Variants in CDK6 observed in about 807,000 individuals in gnomAD.
The protein encoded by CDK6 is cyclin-dependent kinase 6.
A neutral mutation model predicts 37.1 loss-of-function variants in CDK6; 6 were observed. That is an observed-to-expected ratio of 0.16 (90% CI 0.09 to 0.32). The LOEUF (loss-of-function observed/expected upper bound fraction) is 0.32. CDK6 is among the 10% of genes least tolerant of loss of function. The pLI is 1.00. For missense variants in CDK6, 224 were observed against 418.9 expected (o/e 0.53, Z 4.06); for synonymous variants, 160 against 161.3 (o/e 0.99, Z 0.06).
chr7:92,811,047 C>T (rs1584111355), intron 2 of CDK6, among the ~76,000 whole-genome samples: 1 of 151,912 alleles, frequency 6.6e-6, no homozygotes, highest in East Asian at 1.9e-4. Flanking sequence ...TGAGAACCCC[C>T]CCAGCGCCAA....
At chr7:92,804,957 G>A (rs1800685840) in intron 2 of CDK6, among the ~76,000 whole-genome samples, 1 of 152,118 alleles carries the variant, frequency 6.6e-6, no homozygotes, top group Admixed American at 6.6e-5. Flanking sequence ...GACAAATACT[G>A]GTCATGTACT....
rs185877902 is a variant in CDK6, at chr7:92,720,515, A to G, written c.537+5111T>C. ...AAGAGCACCAAATCCAATGGCAACA[A>G]TATCACCCTCCAAGCTGTATGATTA... On this transcript the variant is annotated intron_variant, in intron 4 of 7. Coordinates refer to ENST00000424848, the MANE Select transcript of CDK6 (RefSeq NM_001145306.2). Among the ~76,000 whole-genome samples the G allele has an allele frequency of 6.6e-3, 1,002 of 152,304 alleles. 8 individuals carry two copies. Among genetic ancestry groups the G allele is most frequent in the Non-Finnish European group, 0.011 (734 of 68,012 alleles).
At chr7:92,684,893 T>C (rs1797414053) in intron 4 of CDK6, among the ~76,000 whole-genome samples, 1 of 152,154 alleles carries the variant, frequency 6.6e-6, no homozygotes, top group Admixed American at 6.5e-5. Context: ...AAGAATTCTT[T>C]GGTTTTGAAC....
At chr7:92,707,763 C>A (rs918078538) in intron 4 of CDK6, among the ~76,000 whole-genome samples, 1 of 152,166 alleles carries the variant, frequency 6.6e-6, no homozygotes, top group African/African-American at 2.4e-5. Context: ...AGAAAGAATG[C>A]TAGGTATATA....
At chr7:92,707,015 G>T (rs1032982311) in intron 4 of CDK6, among the ~76,000 whole-genome samples, 10 of 152,126 alleles carry the variant, frequency 6.6e-5, no homozygotes, top group Non-Finnish European at 1.5e-4. Flanking sequence ...AATGAAAAAA[G>T]AGAGAATGGT....
chr7:92,819,360 A>T (rs1292410831), intron 2 of CDK6, among the ~76,000 whole-genome samples: 1 of 152,076 alleles, frequency 6.6e-6, no homozygotes, highest in Non-Finnish European at 1.5e-5. Flanking sequence ...GACAGAAAGA[A>T]GATTAGGTTG....
At chr7:92,708,896 T>C (rs1243579142) in intron 4 of CDK6, among the ~76,000 whole-genome samples, 1 of 152,208 alleles carries the variant, frequency 6.6e-6, no homozygotes, top group African/African-American at 2.4e-5. Context: ...ATTACATCAG[T>C]AGTGGCTACT....
At chr7:92,820,229 C>T (rs932956224) in intron 2 of CDK6, among the ~76,000 whole-genome samples, 2 of 152,032 alleles carry the variant, frequency 1.3e-5, no homozygotes, top group African/African-American at 4.8e-5. Flanking sequence ...ATATTTTAAA[C>T]AAGTGATGCA....
chr7:92,690,211 T>C (rs565944873), intron 4 of CDK6, among the ~76,000 whole-genome samples: 1 of 152,338 alleles, frequency 6.6e-6, no homozygotes, highest in East Asian at 1.9e-4. Context: ...GCCTATGTCC[T>C]GAAAGGTATT....
chr7:92,720,534 A>G (rs1043112884), intron 4 of CDK6, among the ~76,000 whole-genome samples: 1 of 152,190 alleles, frequency 6.6e-6, no homozygotes, highest in African/African-American at 2.4e-5. Context: ...TCCAAGCTGT[A>G]TGATTAGGTT....
At chr7:92,730,450 G>C (rs1398018654) in intron 3 of CDK6, among the ~76,000 whole-genome samples, 9 of 152,260 alleles carry the variant, frequency 5.9e-5, no homozygotes, top group African/African-American at 1.7e-4. Context: ...ATAAGAACAT[G>C]TTGAATTAAG....
intron 2 of CDK6, among the ~76,000 whole-genome samples, chr7:92,825,690 G>C (rs984787228): frequency 6.6e-6 from 1 of 151,998 alleles, no homozygotes; most frequent in African/African-American, 2.4e-5. Context: ...CTGCTAACAG[G>C]TTTTCCACTA....
intron 4 of CDK6, chr7:92,725,213 G>T: frequency 1.0e-6 from 1 of 985,420 alleles, no homozygotes; most frequent in Non-Finnish European, 1.2e-6. Flanking sequence ...TAACAAACCT[G>T]TGTAGGCACT....
In CDK6 at chr7:92,609,880, C is replaced by T; in HGVS notation, c.*5260G>A. 1 of 230,518 alleles carries T rather than the reference C, an allele frequency of 4.3e-6. No homozygotes were observed. The highest frequency in any genetic ancestry group is 5.6e-5 in the Admixed American group (1 of 17,712). The allele number at this position is 230,518 out of a possible 1,614,324, so 14.3% of individuals were successfully genotyped here. On this transcript the variant is annotated 3_prime_UTR_variant, in exon 8 of 8. Transcript: ENST00000424848. ...TGATCAAAATGGGTGTATTATCCAT[C>T]CTTAAGAACAATTTATTTGCAGACA...
chr7:92,829,913 G>C (rs973212159), intron 2 of CDK6, among the ~76,000 whole-genome samples: 2 of 152,240 alleles, frequency 1.3e-5, no homozygotes, highest in Non-Finnish European at 2.9e-5. Flanking sequence ...CAAGTGCGGA[G>C]ACTTTTCCAG....
intron 3 of CDK6, among the ~76,000 whole-genome samples, chr7:92,735,759 C>T (rs989080570): frequency 6.6e-6 from 1 of 152,058 alleles, no homozygotes; most frequent in African/African-American, 2.4e-5. Context: ...TTATAGTGAC[C>T]TTTGCTCTTG....
rs996091353 is a variant in CDK6, at chr7:92,822,504, G to A, written c.233+10587C>T. 9.2e-5 allele frequency among the ~76,000 whole-genome samples: 14 copies of A among 152,190 alleles called. No individual in the cohort carries two copies. In the East Asian group the frequency reaches 2.1e-3, roughly 23 times the overall value. ...GTTGCTGTGAAAACAGTAATCTTGA[G>A]TCATGGCTTAACTATTTATTCACTC... On this transcript the variant is annotated intron_variant, in intron 2 of 7. Transcript: ENST00000424848.
intron 4 of CDK6, among the ~76,000 whole-genome samples, chr7:92,706,183 T>G (rs1230728458): frequency 1.3e-5 from 2 of 152,190 alleles, no homozygotes; most frequent in African/African-American, 4.8e-5. Flanking sequence ...CTACCACCTA[T>G]TCCCAAGAGG....
In CDK6 at chr7:92,607,218, G is replaced by A. The variant is rs1005068640; in HGVS notation, c.*7922C>T. 8.6e-6 allele frequency: 2 copies of A among 233,488 alleles called. No homozygotes were observed. The highest frequency in any genetic ancestry group is 1.7e-5 in the Non-Finnish European group (2 of 118,064). 14.5% of individuals were successfully genotyped at this position (233,488 alleles called of 1,614,324 possible). A position where few individuals can be genotyped will look rare whatever the true frequency, so the allele number is the denominator to read the frequency against. ...TCCCACTACTCCACATGACACCTAC[G>A]AGGGCACTACATCACGTGAGGGAAG... is the stretch of plus-strand genomic sequence containing the variant. On this transcript the variant is annotated 3_prime_UTR_variant, in exon 8 of 8. Coordinates refer to ENST00000424848, the MANE Select transcript of CDK6 (RefSeq NM_001145306.2).
Sources: allele counts gnomAD v4.1 joint callset (sites outside exome capture counted in the v4.1 genomes callset), GRCh38; gene constraint gnomAD v4.1.1; transcripts MANE v1.5; gene names NCBI Gene and HGNC (gene_info 2026-07-23, HGNC 2026-07-21).